Variants in TUT4 observed in about 807,000 individuals in gnomAD.
TUT4 encodes the protein terminal uridylyltransferase 4.
In TUT4, 36 loss-of-function variants were observed where a neutral mutation model predicts 192.2. That is an observed-to-expected ratio of 0.19 (90% CI 0.14 to 0.25). The LOEUF is 0.25. TUT4 is among the 10% of genes least tolerant of loss of function. The pLI is 1.00. For synonymous variants in TUT4, 618 were observed against 666.0 expected, an observed-to-expected ratio of 0.93 and a Z score of 1.11; for missense variants, 1,493 against 1,957.2, an observed-to-expected ratio of 0.76 and a Z score of 4.47.
At chr1:52,477,664 A>T (rs1667449368) in intron 12 of TUT4, 44 bp downstream of exon 12, 1 of 1,541,766 alleles carries the variant, frequency 6.5e-7, no homozygotes, top group Non-Finnish European at 8.8e-7. Flanking sequence ...AATGAGTAGC[A>T]CATAAAAAAT....
intron 20 of TUT4, among the ~76,000 whole-genome samples, chr1:52,447,689 A>G (rs1248648861): frequency 6.6e-6 from 1 of 152,196 alleles, no homozygotes; most frequent in African/African-American, 2.4e-5. Flanking sequence ...GAGATGCAAT[A>G]AAGTAGGAAG....
In TUT4 at chr1:52,474,976, T is replaced by G; in HGVS notation, c.2583A>C (p.Ser861=). Residue 861 remains serine (S), a synonymous_variant, in exon 13 of 30, where the codon TCA becomes TCC. Coordinates refer to ENST00000257177, the MANE Select transcript of TUT4 (RefSeq NM_001009881.3). ...DCRSNLETES[S]HQSVCTDTSA... ...ATGTGTCGGTGCACACACTCTGATG[T>G]GAACTCTCTGTTTCTAAATTTGACC... 6.2e-7 allele frequency: 1 copy of G among 1,614,234 alleles called. No individual in the cohort carries two copies. Among genetic ancestry groups the G allele is most frequent in the Non-Finnish European group, 8.5e-7 (1 of 1,180,034 alleles).
At chr1:52,504,678 C>T (rs1675055567) in intron 4 of TUT4, among the ~76,000 whole-genome samples, 1 of 151,790 alleles carries the variant, frequency 6.6e-6, no homozygotes, top group South Asian at 2.1e-4. Context: ...AAAATAAAAA[C>T]CAAATACTAT....
At position 52,431,480 on chromosome 1, in the gene TUT4, T is replaced by G; in HGVS notation, c.4264-20A>C. 1.4e-6 allele frequency: 2 copies of G among 1,455,688 alleles called. No homozygotes were observed. Among genetic ancestry groups the G allele is most frequent in the Non-Finnish European group, 1.8e-6 (2 of 1,100,374 alleles). The allele number at this position is 1,455,688 out of a possible 1,614,324, so 90.2% of individuals were successfully genotyped here. A position where few individuals can be genotyped will look rare whatever the true frequency, so the allele number is the denominator to read the frequency against. ...TTCAGACTGCAGACAAAAAAAAAAT[T>G]TTTTTTAATTAATTTATAAACATCT... is the stretch of plus-strand genomic sequence containing the variant. On this transcript the variant is annotated intron_variant, in intron 27 of 29. Coordinates refer to ENST00000257177, the MANE Select transcript of TUT4 (RefSeq NM_001009881.3).
At chr1:52,494,871 A>G (rs941315624) in intron 6 of TUT4, among the ~76,000 whole-genome samples, 8 of 152,156 alleles carry the variant, frequency 5.3e-5, no homozygotes, top group African/African-American at 1.7e-4. Context: ...GAATGTCAGC[A>G]GTGCTAAACA....
chr1:52,445,770 A>T lies in TUT4; in HGVS notation c.3822+17T>A, dbSNP rs369000420. ...TAAAAAAAGAAAAGATTCACAATTC[A>T]TATAATGTAAACTTACAGCTTCTCT... On this transcript the variant is annotated intron_variant, in intron 24 of 29. Coordinates refer to ENST00000257177, the MANE Select transcript of TUT4 (RefSeq NM_001009881.3). 9 of 1,561,158 alleles carry T rather than the reference A, an allele frequency of 5.8e-6. No individual in the cohort carries two copies. The highest frequency in any genetic ancestry group is 7.9e-6 in the Non-Finnish European group (9 of 1,145,060).
At chr1:52,536,098 G>A (rs114441718) in intron 1 of TUT4, among the ~76,000 whole-genome samples, 1,600 of 152,218 alleles carry the variant, frequency 0.011, 20 homozygotes, top group African/African-American at 0.036. Context: ...AAATATAAAA[G>A]CCAATGTTAT....
rs577105385 is a variant in TUT4 at position 52,480,665 on chromosome 1, C to G, written c.1848+758G>C. ...TTGGCAATTTATGAGGGAATAATTG[C>G]TAGAGTGATATTCTGGAAAAGACAA... is the stretch of plus-strand genomic sequence containing the variant. On this transcript the variant is annotated intron_variant, in intron 11 of 29. Coordinates refer to ENST00000257177, the MANE Select transcript of TUT4 (RefSeq NM_001009881.3). 2.6e-5 allele frequency among the ~76,000 whole-genome samples: 4 copies of G among 152,146 alleles called. No homozygotes were observed. In the East Asian group the frequency reaches 7.8e-4, roughly 29 times the overall value.
Position 52,445,842 on chromosome 1 carries a change from A to G in TUT4, c.3767T>C (p.Ile1256Thr). The change falls in exon 24 of 30, where the codon ATC becomes ACC. Residue 1256 changes from isoleucine (I) to threonine (T), a missense_variant. Physicochemically the swap from Ile to Thr is moderately conservative, Grantham distance 89. This residue lies in a region of TUT4 where 141 missense variants were observed against 382.7 expected (regional missense o/e 0.37). Coordinates refer to ENST00000257177, the MANE Select transcript of TUT4 (RefSeq NM_001009881.3). ...KMTNFIMKAF[I>T]NGRKLFGTPF... ...GGTACCAAAAAGTTTCCTTCCATTG[A>G]TAAATGCTTTCATGATGAAATTGGT... 6.2e-7 allele frequency: 1 copy of G among 1,613,014 alleles called. No homozygotes were observed. The highest frequency in any genetic ancestry group is 8.5e-7 in the Non-Finnish European group (1 of 1,179,472).
At position 52,474,870 on chromosome 1, in the gene TUT4, A is replaced by G. The variant is rs754309353; in HGVS notation, c.2689T>C (p.Tyr897His). ...DDDNLPTQELYYVFDKFILTS... is the reference protein window; with the variant it reads ...DDDNLPTQELHYVFDKFILTS... Reference sequence around the variant, plus strand: ...AAAATAAACTTATCAAACACATAATATAATTCCTGGGTGGGGAGGTTATCA... The same window carrying G: ...AAAATAAACTTATCAAACACATAATGTAATTCCTGGGTGGGGAGGTTATCA... The change falls in exon 13 of 30, where the codon TAT (tyrosine) becomes CAT (histidine). Residue 897 changes from tyrosine (Y) to histidine (H), a missense_variant. Tyr to His is a moderately conservative substitution (Grantham distance 83). Coordinates refer to ENST00000257177, the MANE Select transcript of TUT4 (RefSeq NM_001009881.3). 17 of 1,612,110 alleles carry G rather than the reference A, an allele frequency of 1.1e-5. No individual in the cohort carries two copies. In the South Asian group the frequency reaches 1.5e-4, roughly 15 times the overall value.
chr1:52,474,696 TA>T, intron 13 of TUT4, 135 bp downstream of exon 13: 2 of 776,068 alleles, frequency 2.6e-6, no homozygotes, highest in Non-Finnish European at 3.9e-6. Flanking sequence ...ACACAAAAGG[TA>T]AAATACATAC....
At chr1:52,430,531 C>T (rs919619234) in intron 28 of TUT4, among the ~76,000 whole-genome samples, 9 of 152,230 alleles carry the variant, frequency 5.9e-5, no homozygotes, top group African/African-American at 2.2e-4. Flanking sequence ...GATCCACCTG[C>T]CTCCGCCTCC....
At chr1:52,536,772 T>G (rs1685012660) in intron 1 of TUT4, among the ~76,000 whole-genome samples, 1 of 152,114 alleles carries the variant, frequency 6.6e-6, no homozygotes, top group Non-Finnish European at 1.5e-5. Context: ...GAGAATCACT[T>G]GAACCCAGGA....
chr1:52,446,234 G>A, intron 22 of TUT4, 31 bp downstream of exon 22: 1 of 1,573,552 alleles, frequency 6.4e-7, no homozygotes, highest in Non-Finnish European at 8.6e-7. Context: ...AATTTTGGTT[G>A]CTCCTGAATT....
intron 6 of TUT4, among the ~76,000 whole-genome samples, chr1:52,494,333 G>A (rs1324874657): frequency 6.6e-6 from 1 of 152,094 alleles, no homozygotes; most frequent in African/African-American, 2.4e-5. Context: ...TTAGTCAAAA[G>A]GCTTAGAATA....
At chr1:52,488,835 A>C in intron 9 of TUT4, 74 bp downstream of exon 9, 9 of 1,425,184 alleles carry the variant, frequency 6.3e-6, no homozygotes, top group Non-Finnish European at 6.5e-6. Context: ...AGTACAAGAA[A>C]AGGCCTAATT....
At chr1:52,462,708 G>A in intron 16 of TUT4, 1 of 982,890 alleles carries the variant, frequency 1.0e-6, no homozygotes. Flanking sequence ...ATGTTGATAT[G>A]GAAAAGAAAG....
At chr1:52,431,500 A>T in intron 27 of TUT4, 40 bp from the exon 28 acceptor site, 1 of 1,342,540 alleles carries the variant, frequency 7.4e-7, no homozygotes, top group East Asian at 2.6e-5. Flanking sequence ...TAATTTATAA[A>T]CATCTTAATT....
In TUT4 at chr1:52,475,327, A is replaced by G. The variant is rs780366531; in HGVS notation, c.2232T>C (p.Asn744=). The change falls in exon 13 of 30, where the codon AAT becomes AAC. Residue 744 remains asparagine, a synonymous_variant. Transcript: ENST00000257177. The part of the protein sequence containing the change: ...KPVKSNNMAT[N]GCILLGETTE... ...TGGTTTCCCCAAGCAGAATACAACCATTGGTTGCCATATTGTTCGACTTGA... is the reference window on the plus strand; with the variant it reads ...TGGTTTCCCCAAGCAGAATACAACCGTTGGTTGCCATATTGTTCGACTTGA... The G allele has an allele frequency of 1.9e-6, 3 of 1,613,970 alleles. No individual in the cohort carries two copies. Among genetic ancestry groups the G allele is most frequent in the East Asian group, 2.2e-5 (1 of 44,888 alleles).
Sources: gnomAD v4.1 joint callset for allele counts (sites outside exome capture counted in the v4.1 genomes callset) on GRCh38, gnomAD v4.1.1 for gene constraint, gnomAD v4.1.1 regional missense constraint, MANE v1.5 for transcripts, NCBI Gene and HGNC (gene_info 2026-07-23, HGNC 2026-07-21) for gene names.